ABCC1: variants seen among roughly 807,000 people sequenced by gnomAD.
ABCC1 encodes the protein ATP binding cassette subfamily C member 1 (ABCC1 blood group).
A neutral mutation model predicts 172.9 loss-of-function variants in ABCC1; 83 were observed. The observed-to-expected ratio is 0.48, with a 90% confidence interval of 0.40 to 0.58. The LOEUF is 0.58. Among genes scored for constraint, ABCC1 ranks in the 20% least tolerant of loss-of-function variants. The pLI is 0.00. For synonymous variants in ABCC1, 937 were observed against 825.2 expected (o/e 1.14, Z -2.32); for missense variants, 1,817 against 2,002.7 (o/e 0.91, Z 1.77).
chr16:15,982,906 A>C (rs1440782932), intron 1 of ABCC1, among the ~76,000 whole-genome samples: 1 of 151,148 alleles, frequency 6.6e-6, no homozygotes, highest in Admixed American at 6.6e-5. Flanking sequence ...TCGCCAACTT[A>C]TGACCTATAC....
At chr16:15,964,836 TCAATTA>T (rs918566679) in intron 1 of ABCC1, among the ~76,000 whole-genome samples, 2 of 152,182 alleles carry the variant, frequency 1.3e-5, no homozygotes, top group African/African-American at 4.8e-5. Context: ...CATCTGCATT[TCAATTA>T]CAATTAGAAG....
At chr16:16,114,103 G>A (rs986311310) in intron 22 of ABCC1, among the ~76,000 whole-genome samples, 3 of 152,162 alleles carry the variant, frequency 2.0e-5, no homozygotes, top group Admixed American at 2.0e-4. Context: ...ATATGGCATG[G>A]GGATTAAGAG....
chr16:16,134,585 A>G (rs2045841914), intron 28 of ABCC1, 77 bp downstream of exon 28: 15 of 1,186,600 alleles, frequency 1.3e-5, no homozygotes, highest in Middle Eastern at 2.2e-4. Context: ...GTGTATGTAT[A>G]TTTTTGGGGC....
chr16:15,997,777 G>A lies in ABCC1; in HGVS notation c.49-10039G>A, dbSNP rs373929389. ...GAAGGACACATTAGGGTCCCTGCCG[G>A]TAAGGAACATCCAGGAGGCCTCGAT... On this transcript the variant is annotated intron_variant, in intron 1 of 30. Transcript: ENST00000399410. 4.0e-5 allele frequency among the ~76,000 whole-genome samples: 6 copies of A among 150,274 alleles called. No individual in the cohort carries two copies. The East Asian group carries it at 7.8e-4, about 19-fold the overall frequency.
At position 15,959,542 on chromosome 16, in the gene ABCC1, T is replaced by A. The variant is rs1473780212; in HGVS notation, c.48+9743T>A. Among the ~76,000 whole-genome samples the A allele has an allele frequency of 2.0e-5, 3 of 152,252 alleles. No individual in the cohort carries two copies. The East Asian group carries it at 5.8e-4, about 29-fold the overall frequency. On this transcript the variant is annotated intron_variant, in intron 1 of 30. Transcript: ENST00000399410. Reference sequence around the variant, plus strand: ...GGTCTCACCATGTTGCCCAGGCTTGTCTCAAACTCCTGGGCTCAAGCGATC... The same window carrying A: ...GGTCTCACCATGTTGCCCAGGCTTGACTCAAACTCCTGGGCTCAAGCGATC...
At chr16:16,029,353 G>T (rs959150299) in intron 5 of ABCC1, among the ~76,000 whole-genome samples, 1 of 152,092 alleles carries the variant, frequency 6.6e-6, no homozygotes, top group Non-Finnish European at 1.5e-5. Context: ...CTCTTGAGTA[G>T]CTGGGACTAC....
intron 1 of ABCC1, among the ~76,000 whole-genome samples, chr16:15,958,375 G>T (rs2046051278): frequency 6.6e-6 from 1 of 152,120 alleles, no homozygotes; most frequent in Non-Finnish European, 1.5e-5. Flanking sequence ...CTCCCAAAGT[G>T]CTGGGATTAC....
At chr16:16,109,484 T>C (rs2052292665) in intron 21 of ABCC1, among the ~76,000 whole-genome samples, 1 of 152,168 alleles carries the variant, frequency 6.6e-6, no homozygotes, top group African/African-American at 2.4e-5. Flanking sequence ...GTCCAGATGA[T>C]TTTCATGACC....
chr16:16,005,505 G>A (rs1381749439), intron 1 of ABCC1, among the ~76,000 whole-genome samples: 1 of 152,066 alleles, frequency 6.6e-6, no homozygotes, highest in Non-Finnish European at 1.5e-5. Context: ...GCGCCACCAT[G>A]CCTGGCTAGT....
At chr16:15,997,419 G>A (rs1378994709) in intron 1 of ABCC1, among the ~76,000 whole-genome samples, 1 of 152,148 alleles carries the variant, frequency 6.6e-6, no homozygotes, top group Non-Finnish European at 1.5e-5. Flanking sequence ...AAAGATTTCT[G>A]TGGGCCAGGT....
intron 27 of ABCC1, among the ~76,000 whole-genome samples, chr16:16,132,500 T>G (rs560220844): frequency 9.0e-6 from 1 of 111,472 alleles, no homozygotes; most frequent in African/African-American, 3.6e-5. Context: ...TTTTTGTTTT[T>G]TGGTTGGTTG....
chr16:16,045,707 C>A (rs2049177378), intron 8 of ABCC1, 129 bp from the exon 9 acceptor site: 1 of 935,854 alleles, frequency 1.1e-6, no homozygotes, highest in Non-Finnish European at 1.6e-6. Context: ...GTTTTTCCAT[C>A]TATGAAATTG....
intron 1 of ABCC1, among the ~76,000 whole-genome samples, chr16:15,961,831 G>A (rs2046140471): frequency 7.0e-6 from 1 of 141,908 alleles, no homozygotes; most frequent in Admixed American, 7.1e-5. Flanking sequence ...GCTGAGCCAT[G>A]TATTCACCCA....
At chr16:16,139,987 G>A (rs943656790) in intron 30 of ABCC1, among the ~76,000 whole-genome samples, 2 of 152,222 alleles carry the variant, frequency 1.3e-5, no homozygotes, top group African/African-American at 4.8e-5. Context: ...CATAGATAGT[G>A]CACGAATGAA....
chr16:16,089,103 C>T (rs1324404374), intron 18 of ABCC1, among the ~76,000 whole-genome samples: 5 of 152,222 alleles, frequency 3.3e-5, no homozygotes, highest in South Asian at 2.1e-4. Flanking sequence ...AAAGATTGAC[C>T]GTTAGCTGTT....
Position 16,114,967 on chromosome 16 carries a change from T to G in ABCC1, c.3281T>G (p.Phe1094Cys). 6.2e-7 allele frequency: 1 copy of G among 1,614,214 alleles called. No homozygotes were observed. The highest frequency in any genetic ancestry group is 1.1e-5 in the South Asian group (1 of 91,084). The change falls in exon 23 of 31, where the codon TTC becomes TGC. Residue 1094 changes from phenylalanine (F) to cysteine (C), a missense_variant. Phe to Cys is a radical substitution (Grantham distance 205, BLOSUM62 -2). Around this residue, in one of 3 missense-constraint regions of ABCC1, gnomAD observed 1,412 missense variants for 1,600.3 expected, o/e 0.88. Coordinates refer to ENST00000399410, the MANE Select transcript of ABCC1 (RefSeq NM_004996.4). The part of the protein sequence containing the change: ...DSMIPEVIKM[F>C]MGSLFNVIGA... ...ATGATCCCGGAGGTCATCAAGATGT[T>G]CATGGGCTCCCTGTTCAACGTCATT...
chr16:16,123,736 G>T (rs1333288632), intron 24 of ABCC1, among the ~76,000 whole-genome samples: 1 of 152,180 alleles, frequency 6.6e-6, no homozygotes, highest in Non-Finnish European at 1.5e-5. Flanking sequence ...AGATGACCAG[G>T]CACATTGGTT....
At chr16:16,100,937 C>G (rs768790535) in intron 19 of ABCC1, among the ~76,000 whole-genome samples, 19 of 152,170 alleles carry the variant, frequency 1.2e-4, no homozygotes, top group Admixed American at 3.3e-4. Flanking sequence ...ATAGCAGGGA[C>G]TGGGCTGGAC....
At chr16:16,004,817 G>A (rs1380097240) in intron 1 of ABCC1, among the ~76,000 whole-genome samples, 20 of 151,230 alleles carry the variant, frequency 1.3e-4, no homozygotes, top group African/African-American at 3.6e-4. Context: ...ACCCTGCCCG[G>A]CTAATTTTTA....
Sources: allele counts gnomAD v4.1 joint callset (sites outside exome capture counted in the v4.1 genomes callset), GRCh38; gene constraint gnomAD v4.1.1; regional missense constraint gnomAD v4.1.1; transcripts MANE v1.5; gene names NCBI Gene and HGNC (gene_info 2026-07-23, HGNC 2026-07-21).